ERC1: variants seen among roughly 807,000 people sequenced by gnomAD.
ERC1 encodes RAB6 interacting protein 2.
A neutral mutation model predicts 132.0 loss-of-function variants in ERC1; 56 were observed. That is an observed-to-expected ratio of 0.42 (90% CI 0.34 to 0.53). The LOEUF is 0.53. Among genes scored for constraint, ERC1 ranks in the 20% least tolerant of loss-of-function variants. The pLI is 0.03. For synonymous variants in ERC1, 478 were observed against 476.1 expected (o/e 1.00, Z -0.05); for missense variants, 1,202 against 1,349.9 (o/e 0.89, Z 1.72).
chr12:1,459,964 A>G (rs537122912), intron 18 of ERC1, among the ~76,000 whole-genome samples: 10 of 152,380 alleles, frequency 6.6e-5, no homozygotes, highest in African/African-American at 2.4e-4. Context: ...ACAGATGTGT[A>G]TACACATGTA....
chr12:1,486,437 T>TTTTA (rs2094217203), intron 18 of ERC1, among the ~76,000 whole-genome samples: 3 of 151,834 alleles, frequency 2.0e-5, no homozygotes, highest in Admixed American at 6.6e-5. Flanking sequence ...TTTTATTTTA[T>TTTTA]TTTTGAGATA....
At chr12:1,296,430 T>C (rs182090203) in intron 15 of ERC1, among the ~76,000 whole-genome samples, 1,277 of 118,614 alleles carry the variant, frequency 0.011, 25 homozygotes, top group African/African-American at 0.037. Context: ...TTTTTTTTTT[T>C]GAGATGGAGT....
At chr12:1,107,842 T>C (rs1177433658) in intron 4 of ERC1, among the ~76,000 whole-genome samples, 4 of 152,132 alleles carry the variant, frequency 2.6e-5, no homozygotes, top group African/African-American at 9.7e-5. Context: ...TGGGGTGTTA[T>C]TGACCTTCAC....
chr12:1,401,075 A>G lies in ERC1; in HGVS notation c.2926-7074A>G, dbSNP rs371074558. 3.7e-4 allele frequency among the ~76,000 whole-genome samples: 56 copies of G among 151,320 alleles called. No individual in the cohort carries two copies. In the East Asian group the frequency reaches 8.3e-3, roughly 23 times the overall value. On this transcript the variant is annotated intron_variant, in intron 16 of 18. Transcript: ENST00000360905. Reference sequence around the variant, plus strand: ...CTCAGCCTCCCGAGTAGCTGGGACTACAGACGCCCACCGCTGCGCCCGGCT... The same window carrying G: ...CTCAGCCTCCCGAGTAGCTGGGACTGCAGACGCCCACCGCTGCGCCCGGCT...
intron 16 of ERC1, among the ~76,000 whole-genome samples, chr12:1,391,710 G>A (rs752752787): frequency 6.6e-6 from 1 of 152,192 alleles, no homozygotes; most frequent in Non-Finnish European, 1.5e-5. Context: ...GAGTGACAGT[G>A]GGACCACATG....
intron 16 of ERC1, among the ~76,000 whole-genome samples, chr12:1,402,573 T>A (rs369388826): frequency 6.2e-5 from 9 of 145,660 alleles, no homozygotes; most frequent in African/African-American, 2.4e-4. Context: ...GAGCTAAGCA[T>A]CCAAATCAAG....
At chr12:1,208,884 G>A (rs1208103622) in intron 12 of ERC1, among the ~76,000 whole-genome samples, 3 of 151,622 alleles carry the variant, frequency 2.0e-5, no homozygotes, top group Non-Finnish European at 4.4e-5. Context: ...TCCGCCTCTC[G>A]GGTTCAAGTG....
intron 16 of ERC1, among the ~76,000 whole-genome samples, chr12:1,404,841 A>T (rs1471999647): frequency 6.6e-6 from 1 of 152,118 alleles, no homozygotes; most frequent in Non-Finnish European, 1.5e-5. Flanking sequence ...AAGTTTCAAC[A>T]TCTAAATGTG....
intron 2 of ERC1, among the ~76,000 whole-genome samples, chr12:1,032,884 T>C (rs1968319244): frequency 6.6e-6 from 1 of 152,096 alleles, no homozygotes; most frequent in Non-Finnish European, 1.5e-5. Context: ...TTAATTGTTG[T>C]TGTTTTGAGA....
chr12:1,229,852 T>A (rs976668795), intron 12 of ERC1, among the ~76,000 whole-genome samples: 1 of 152,082 alleles, frequency 6.6e-6, no homozygotes, highest in African/African-American at 2.4e-5. Flanking sequence ...TTCTTTTTTC[T>A]ATTTTTTTGA....
At chr12:1,354,516 T>G (rs2085338513) in intron 15 of ERC1, among the ~76,000 whole-genome samples, 1 of 138,000 alleles carries the variant, frequency 7.2e-6, no homozygotes, top group Admixed American at 7.2e-5. Flanking sequence ...AGAGTGAAAC[T>G]CCATCTTAAA....
At chr12:1,274,705 C>T (rs1341890586) in intron 14 of ERC1, among the ~76,000 whole-genome samples, 1 of 152,064 alleles carries the variant, frequency 6.6e-6, no homozygotes, top group Non-Finnish European at 1.5e-5. Context: ...GTTTTTCAGG[C>T]TGGTCTCGAA....
At chr12:1,175,659 G>GAATTC (rs1953627188) in intron 8 of ERC1, among the ~76,000 whole-genome samples, 1 of 151,590 alleles carries the variant, frequency 6.6e-6, no homozygotes, top group Non-Finnish European at 1.5e-5. Flanking sequence ...TGAGCCTCCC[G>GAATTC]AGTAGCTGGG....
chr12:1,462,552 A>G (rs1441778429), intron 18 of ERC1, among the ~76,000 whole-genome samples: 1 of 152,258 alleles, frequency 6.6e-6, no homozygotes, highest in Non-Finnish European at 1.5e-5. Context: ...CACTGTGTTA[A>G]GCAAAAGAAG....
chr12:1,070,284 T>C (rs1266579020), intron 2 of ERC1, among the ~76,000 whole-genome samples: 1 of 151,488 alleles, frequency 6.6e-6, no homozygotes, highest in African/African-American at 2.4e-5. Flanking sequence ...CCTTCTTTTT[T>C]TCTTACTTTC....
intron 12 of ERC1, among the ~76,000 whole-genome samples, chr12:1,191,976 C>T (rs1021972703): frequency 2.0e-5 from 3 of 152,064 alleles, no homozygotes; most frequent in Non-Finnish European, 4.4e-5. Flanking sequence ...TGAAAGTGAT[C>T]GAGCATGGCA....
chr12:1,195,011 C>T (rs886289124), intron 12 of ERC1, among the ~76,000 whole-genome samples: 2 of 151,712 alleles, frequency 1.3e-5, no homozygotes, highest in Non-Finnish European at 2.9e-5. Flanking sequence ...ATGGGATAGT[C>T]GAGAAAGACC....
chr12:1,123,873 T>G (rs1947852729), intron 7 of ERC1, among the ~76,000 whole-genome samples: 2 of 152,186 alleles, frequency 1.3e-5, no homozygotes, highest in Admixed American at 1.3e-4. Context: ...CACGCACCTG[T>G]AGTTTTCAGC....
chr12:1,488,875 G>A (rs2094283057), intron 18 of ERC1, among the ~76,000 whole-genome samples: 1 of 152,066 alleles, frequency 6.6e-6, no homozygotes, highest in African/African-American at 2.4e-5. Context: ...TCCTTTCCAC[G>A]TCCCTGGCCC....
Sources: allele counts gnomAD v4.1 joint callset (sites outside exome capture counted in the v4.1 genomes callset), GRCh38; gene constraint gnomAD v4.1.1; transcripts MANE v1.5; gene names NCBI Gene and HGNC (gene_info 2026-07-23, HGNC 2026-07-21).